SLC44A5: variants seen among roughly 807,000 people sequenced by gnomAD.
SLC44A5 encodes the protein choline transporter-like protein 5.
Under a neutral mutation model 101.8 loss-of-function variants are expected in SLC44A5, and 57 were observed. The ratio of observed to expected loss-of-function variants is 0.56; its 90% confidence interval spans 0.45 to 0.70. The LOEUF is 0.70. SLC44A5 is among the 30% of genes least tolerant of loss of function. The pLI, the probability that SLC44A5 is intolerant of heterozygous loss-of-function variation, is 0.00. For missense variants in SLC44A5, 737 were observed against 853.1 expected, an observed-to-expected ratio of 0.86 and a Z score of 1.70; for synonymous variants, 281 against 290.9, an observed-to-expected ratio of 0.97 and a Z score of 0.35.
At chr1:75,410,442 A>G (rs2101503575) in intron 2 of SLC44A5, among the ~76,000 whole-genome samples, 1 of 152,302 alleles carries the variant, frequency 6.6e-6, no homozygotes, top group Admixed American at 6.5e-5. Flanking sequence ...CAAAAGATTA[A>G]GGGTTCATTG....
the SLC44A5 span, among the ~76,000 whole-genome samples, chr1:75,716,054 G>A: frequency 3.0e-4 from 46 of 152,178 alleles, no homozygotes; most frequent in East Asian, 8.5e-3. Flanking sequence ...ACAAGCATAT[G>A]AAAAAATGTT....
At chr1:75,639,852 G>A in the SLC44A5 span, among the ~76,000 whole-genome samples, 1 of 151,990 alleles carries the variant, frequency 6.6e-6, no homozygotes, top group Admixed American at 6.6e-5. Context: ...ACCAGATGAT[G>A]AGATAAGGGG....
At chr1:75,290,099 T>G (rs1017157960) in intron 5 of SLC44A5, among the ~76,000 whole-genome samples, 28 of 152,206 alleles carry the variant, frequency 1.8e-4, no homozygotes, top group Non-Finnish European at 5.9e-5. Flanking sequence ...TTTGATAACA[T>G]GGACTTGTAC....
chr1:75,611,644 T>G (rs1239853095), upstream of SLC44A5, among the ~76,000 whole-genome samples: 1 of 152,232 alleles, frequency 6.6e-6, no homozygotes, highest in Admixed American at 6.5e-5. Context: ...AACATCTGTG[T>G]GCTTTTATTG....
chr1:75,530,379 T>A (rs928111454), intron 2 of SLC44A5, among the ~76,000 whole-genome samples: 3 of 152,158 alleles, frequency 2.0e-5, no homozygotes, highest in Non-Finnish European at 2.9e-5. Flanking sequence ...CTATTGGTAA[T>A]TTATTAGTAA....
intron 1 of SLC44A5, among the ~76,000 whole-genome samples, chr1:75,586,965 T>G (rs1201369348): frequency 6.6e-6 from 1 of 152,106 alleles, no homozygotes; most frequent in African/African-American, 2.4e-5. Context: ...GATAGAGTTA[T>G]CTCTCAGCTC....
the SLC44A5 span, among the ~76,000 whole-genome samples, chr1:75,655,014 G>A: frequency 6.6e-5 from 10 of 151,846 alleles, no homozygotes; most frequent in Non-Finnish European, 1.2e-4. Flanking sequence ...ATTTGGGTTC[G>A]TCATCTGGCC....
At chr1:75,642,448 T>C in the SLC44A5 span, among the ~76,000 whole-genome samples, 1 of 152,138 alleles carries the variant, frequency 6.6e-6, no homozygotes, top group African/African-American at 2.4e-5. Flanking sequence ...CCCCCTTTCA[T>C]TCTGGAGGCA....
At chr1:75,287,871 CTG>C (rs1339588056) in intron 5 of SLC44A5, among the ~76,000 whole-genome samples, 2 of 152,142 alleles carry the variant, frequency 1.3e-5, no homozygotes, top group African/African-American at 4.8e-5. Context: ...GAAGTGTACT[CTG>C]TGAGGGTCCT....
chr1:75,649,478 T>G, the SLC44A5 span, among the ~76,000 whole-genome samples: 10 of 152,020 alleles, frequency 6.6e-5, no homozygotes, highest in Admixed American at 2.0e-4. Flanking sequence ...TTCACTTCCT[T>G]CAAGAAATGG....
intron 2 of SLC44A5, among the ~76,000 whole-genome samples, chr1:75,504,780 T>C (rs1023216323): frequency 1.3e-5 from 2 of 152,166 alleles, no homozygotes; most frequent in East Asian, 3.8e-4. Flanking sequence ...AAGTTTTCTG[T>C]AACTAGGGAA....
At chr1:75,663,295 G>T in the SLC44A5 span, among the ~76,000 whole-genome samples, 2 of 152,098 alleles carry the variant, frequency 1.3e-5, no homozygotes, top group Non-Finnish European at 2.9e-5. Flanking sequence ...CCTTATGAAA[G>T]GGACCTCAGC....
At chr1:75,396,549 A>T (rs1356692455) in intron 3 of SLC44A5, 34 bp downstream of exon 3, 4 of 1,532,396 alleles carry the variant, frequency 2.6e-6, no homozygotes, top group East Asian at 2.3e-5. Context: ...GTCATGAAAG[A>T]TTCTTAGCAC....
chr1:75,485,340 A>G (rs141374218), intron 2 of SLC44A5, among the ~76,000 whole-genome samples: 2 of 152,334 alleles, frequency 1.3e-5, no homozygotes, highest in Admixed American at 6.5e-5. Flanking sequence ...ACCCTAAGTC[A>G]TCTCTTTGAA....
At chr1:75,214,733 A>G in intron 19 of SLC44A5, 55 bp from the exon 20 acceptor site, 1 of 1,419,364 alleles carries the variant, frequency 7.0e-7, no homozygotes, top group Non-Finnish European at 9.8e-7. Flanking sequence ...TAACAAGATC[A>G]AAAGACAATC....
intron 4 of SLC44A5, among the ~76,000 whole-genome samples, chr1:75,331,082 G>C (rs1232143943): frequency 6.7e-6 from 1 of 149,138 alleles, no homozygotes; most frequent in African/African-American, 2.5e-5. Flanking sequence ...ATCTCCAAAT[G>C]CTTTTGAGTC....
chr1:75,339,565 A>C lies in SLC44A5; in HGVS notation c.101+17T>G, dbSNP rs758489047. The C allele has an allele frequency of 3.0e-5, 47 of 1,593,198 alleles. No homozygotes were observed. Among genetic ancestry groups the C allele is most frequent in the African/African-American group, 1.8e-4 (13 of 73,930 alleles). On this transcript the variant is annotated intron_variant, in intron 4 of 23. Transcript: ENST00000370859. ...GTATGTTTAAAAAAGCATATTCCCC[A>C]AAAAATAATTGCTTACCTGTTGGCA...
intron 2 of SLC44A5, among the ~76,000 whole-genome samples, chr1:75,504,524 A>G (rs1023171059): frequency 6.6e-6 from 1 of 152,170 alleles, no homozygotes; most frequent in African/African-American, 2.4e-5. Context: ...CTCAATCACT[A>G]TGCTAACCCC....
At chr1:75,432,919 C>T (rs1352018800) in intron 2 of SLC44A5, among the ~76,000 whole-genome samples, 1 of 152,032 alleles carries the variant, frequency 6.6e-6, no homozygotes, top group East Asian at 1.9e-4. Context: ...ACACCCTTTT[C>T]CCCACCCACC....
Sources: allele counts gnomAD v4.1 joint callset (sites outside exome capture counted in the v4.1 genomes callset), GRCh38; gene constraint gnomAD v4.1.1; transcripts MANE v1.5; gene names NCBI Gene and HGNC (gene_info 2026-07-23, HGNC 2026-07-21).